Variants in DNAI2 observed in about 807,000 individuals in gnomAD.
The protein encoded by DNAI2 is dynein axonemal intermediate chain 2.
DNAI2 carries 63 observed loss-of-function variants against 74.7 expected under a neutral mutation model. The observed-to-expected ratio is 0.84, with a 90% CI of 0.69 to 1.04. The LOEUF is 1.04. Ranked by LOEUF, DNAI2 falls within the 50% of genes least tolerant of loss-of-function variation. DNAI2 has a pLI of 0.00. For missense variants in DNAI2, 688 were observed against 803.2 expected (o/e 0.86, Z 1.73); for synonymous variants, 289 against 314.9 (o/e 0.92, Z 0.87).
chr17:74,299,649 C>T, intron 6 of DNAI2, 69 bp from the exon 7 acceptor site: 1 of 1,603,352 alleles, frequency 6.2e-7, no homozygotes, highest in Non-Finnish European at 8.5e-7. Flanking sequence ...CCCTCTCTCC[C>T]CTGCTCCCTG....
At chr17:74,309,730 G>A (rs1240878151) in intron 10 of DNAI2, 2 of 632,694 alleles carry the variant, frequency 3.2e-6, no homozygotes, top group Non-Finnish European at 5.7e-6. Flanking sequence ...TCATGTCAGG[G>A]TGGCCAGAGC....
chr17:74,282,003 G>T lies in DNAI2; in HGVS notation c.183+3G>T. On this transcript the variant is annotated splice_donor_region_variant and intron_variant, in intron 2 of 13. Coordinates refer to ENST00000311014, the MANE Select transcript of DNAI2 (RefSeq NM_023036.6). ...CGATCAGCATGTCGGAACACGAGGT[G>T]GGTCCCTGCCCCAAGGGCCCTGGCC... The T allele has an allele frequency of 6.2e-7, 1 of 1,613,872 alleles. No individual in the cohort carries two copies. The highest frequency in any genetic ancestry group is 8.5e-7 in the Non-Finnish European group (1 of 1,179,980).
intron 2 of DNAI2, among the ~76,000 whole-genome samples, chr17:74,282,608 G>A (rs1364824008): frequency 6.6e-6 from 1 of 152,190 alleles, no homozygotes; most frequent in African/African-American, 2.4e-5. Context: ...GCGTGGGAGA[G>A]ATATTCTGAG....
intron 9 of DNAI2, among the ~76,000 whole-genome samples, chr17:74,308,094 G>A (rs537322175): frequency 3.3e-5 from 5 of 152,236 alleles, no homozygotes; most frequent in Non-Finnish European, 7.4e-5. Context: ...CACCGCGCCC[G>A]GCCCAGATCC....
intron 8 of DNAI2, among the ~76,000 whole-genome samples, chr17:74,304,137 A>G (rs529411008): frequency 4.0e-5 from 6 of 151,280 alleles, no homozygotes; most frequent in Middle Eastern, 3.4e-3. Context: ...ATAAATAAAT[A>G]AACTAGGAGT....
intron 6 of DNAI2, among the ~76,000 whole-genome samples, chr17:74,299,450 C>T (rs1439272452): frequency 1.3e-5 from 2 of 152,222 alleles, no homozygotes; most frequent in Non-Finnish European, 2.9e-5. Flanking sequence ...GTCCTATCCC[C>T]AGAGGCTTGC....
At chr17:74,281,783 C>T (rs935248397) in intron 1 of DNAI2, 24 bp from the exon 2 acceptor site, 3 of 1,611,402 alleles carry the variant, frequency 1.9e-6, no homozygotes, top group Admixed American at 3.3e-5. Context: ...GTCCCTCACC[C>T]CACACCCTCC....
chr17:74,282,842 C>T (rs1021666290), intron 2 of DNAI2, among the ~76,000 whole-genome samples: 11 of 152,314 alleles, frequency 7.2e-5, no homozygotes, highest in South Asian at 6.2e-4. Context: ...CTTGATTTGG[C>T]CAAAACACGT....
At chr17:74,314,047 G>C in intron 12 of DNAI2, 74 bp from the exon 13 acceptor site, 1 of 1,609,424 alleles carries the variant, frequency 6.2e-7, no homozygotes, top group Non-Finnish European at 8.5e-7. Context: ...TCCTCGTGGG[G>C]TTCACATCCC....
At chr17:74,296,523 T>G (rs2052456866) in intron 6 of DNAI2, among the ~76,000 whole-genome samples, 1 of 152,136 alleles carries the variant, frequency 6.6e-6, no homozygotes, top group African/African-American at 2.4e-5. Context: ...CGGCCCAGCT[T>G]TTCCTTTTAA....
intron 1 of DNAI2, among the ~76,000 whole-genome samples, chr17:74,281,351 C>G (rs982891343): frequency 6.7e-6 from 1 of 150,118 alleles, no homozygotes; most frequent in Non-Finnish European, 1.5e-5. Flanking sequence ...GTTCTCCTCC[C>G]GAGTTCAAGT....
intron 1 of DNAI2, among the ~76,000 whole-genome samples, chr17:74,276,533 C>T (rs1283022914): frequency 6.6e-6 from 1 of 152,174 alleles, no homozygotes; most frequent in East Asian, 1.9e-4. Context: ...CTGAGACGCC[C>T]TTTGCTGACC....
At chr17:74,284,138 C>CA (rs545732470) in intron 2 of DNAI2, among the ~76,000 whole-genome samples, 1,575 of 72,232 alleles carry the variant, frequency 0.022, 14 homozygotes, top group Non-Finnish European at 0.031. Flanking sequence ...AACTCCTTTT[C>CA]AAAAAAAAAA....
chr17:74,290,107 G>A (rs537493017), intron 5 of DNAI2, among the ~76,000 whole-genome samples: 2 of 152,356 alleles, frequency 1.3e-5, no homozygotes, highest in Admixed American at 1.3e-4. Flanking sequence ...CCTGAAGTCA[G>A]GAGTTCAAGA....
At chr17:74,289,520 C>CAAAA in intron 4 of DNAI2, 74 bp from the exon 5 acceptor site, 7 of 1,435,584 alleles carry the variant, frequency 4.9e-6, no homozygotes, top group Non-Finnish European at 6.6e-6. Context: ...CTCCATCTGA[C>CAAAA]AAAAAAAAAA....
intron 6 of DNAI2, among the ~76,000 whole-genome samples, chr17:74,292,473 G>A (rs1271147139): frequency 6.9e-6 from 1 of 144,164 alleles, no homozygotes; most frequent in Non-Finnish European, 1.5e-5. Flanking sequence ...CTGGAGTGCA[G>A]TGGTGTAATC....
In DNAI2 at chr17:74,309,368, G is replaced by A. The variant is rs368225621; in HGVS notation, c.1327G>A (p.Asp443Asn). 67 of 1,613,990 alleles carry A rather than the reference G, an allele frequency of 4.2e-5. No individual in the cohort carries two copies. The highest frequency in any genetic ancestry group is 5.3e-5 in the Non-Finnish European group (63 of 1,180,046). Residue 443 changes from aspartate (D) to asparagine (N), a missense_variant, in exon 10 of 14, where the codon GAT (aspartate) becomes AAT (asparagine). Transcript: ENST00000311014. ...DIWDFMFEQC[D>N]PTLSLKVCDE... ...CTGGGACTTCATGTTCGAGCAGTGCGATCCCACCCTCAGCTTGAAGGTCAC... is the reference window on the plus strand; with the variant it reads ...CTGGGACTTCATGTTCGAGCAGTGCAATCCCACCCTCAGCTTGAAGGTCAC...
At chr17:74,303,211 C>T (rs1443316610) in intron 8 of DNAI2, among the ~76,000 whole-genome samples, 3 of 152,032 alleles carry the variant, frequency 2.0e-5, no homozygotes, top group Non-Finnish European at 4.4e-5. Flanking sequence ...AGTCCTAGTA[C>T]CTGGTAAAGC....
chr17:74,310,094 A>C lies in DNAI2; in HGVS notation c.1425A>C (p.Thr475=). ...TCGCCTGCGGCTCCCAGCTGGGGAC[A>C]ACCACCCTGCTGGAGGTCTCGCCTG... ...CLIACGSQLG[T]TTLLEVSPGL... The change falls in exon 11 of 14, where the codon ACA becomes ACC. Residue 475 remains threonine, a synonymous_variant. Transcript: ENST00000311014. 6.2e-7 allele frequency: 1 copy of C among 1,613,842 alleles called. No individual in the cohort carries two copies. The highest frequency in any genetic ancestry group is 8.5e-7 in the Non-Finnish European group (1 of 1,179,994).
Sources: allele counts gnomAD v4.1 joint callset (sites outside exome capture counted in the v4.1 genomes callset), GRCh38; gene constraint gnomAD v4.1.1; transcripts MANE v1.5; gene names NCBI Gene and HGNC (gene_info 2026-07-23, HGNC 2026-07-21).